NKAIN2: variants seen among roughly 807,000 people sequenced by gnomAD.
NKAIN2 encodes the protein sodium/potassium transporting ATPase interacting 2.
A neutral mutation model predicts 32.6 loss-of-function variants in NKAIN2; 14 were observed. The ratio of observed to expected loss-of-function variants is 0.43; its 90% confidence interval spans 0.28 to 0.67. The LOEUF is 0.67. NKAIN2 is among the 30% of genes least tolerant of loss of function. The probability of loss-of-function intolerance (pLI) is 0.17; values close to 1 mark genes in which losing one functional copy is unlikely to be tolerated. For missense variants in NKAIN2, 198 were observed against 258.3 expected (o/e 0.77, Z 1.60); for synonymous variants, 80 against 87.2 (o/e 0.92, Z 0.46).
intron 1 of NKAIN2, among the ~76,000 whole-genome samples, chr6:124,186,201 A>AAAGAAGGAAGGAAG (rs1562409129): frequency 1.6e-5 from 2 of 122,894 alleles, no homozygotes; most frequent in African/African-American, 9.6e-5. Context: ...AAGGAAGGAA[A>AAAGAAGGAAGGAAG]GAAGGAAAGA....
chr6:124,322,896 T>A (rs1200930343), intron 2 of NKAIN2, among the ~76,000 whole-genome samples: 1 of 152,216 alleles, frequency 6.6e-6, no homozygotes, highest in Admixed American at 6.5e-5. Context: ...CAGCTCTGAA[T>A]GAGAGAGCCA....
chr6:123,929,852 AT>A (rs1186279936), intron 1 of NKAIN2, among the ~76,000 whole-genome samples: 1 of 152,130 alleles, frequency 6.6e-6, no homozygotes, highest in Non-Finnish European at 1.5e-5. Flanking sequence ...AAAATTCGAA[AT>A]CCAAAATGTT....
chr6:124,189,570 C>T (rs143621003), intron 1 of NKAIN2, among the ~76,000 whole-genome samples: 8,249 of 152,088 alleles, frequency 0.054, 718 homozygotes, highest in African/African-American at 0.19. Context: ...TGTGGTGGCA[C>T]GCACCTGTAG....
chr6:124,305,092 T>C (rs1796456640), intron 2 of NKAIN2, among the ~76,000 whole-genome samples: 1 of 152,098 alleles, frequency 6.6e-6, no homozygotes, highest in South Asian at 2.1e-4. Context: ...AAATGGGTAG[T>C]GGTAGCTAGA....
At chr6:123,896,912 G>C (rs1774309187) in intron 1 of NKAIN2, among the ~76,000 whole-genome samples, 1 of 152,082 alleles carries the variant, frequency 6.6e-6, no homozygotes, top group African/African-American at 2.4e-5. Flanking sequence ...CATTTCAACA[G>C]TCTCCAAGTA....
At chr6:124,739,914 A>G (rs1205305091) in intron 4 of NKAIN2, among the ~76,000 whole-genome samples, 1 of 151,872 alleles carries the variant, frequency 6.6e-6, no homozygotes, top group Non-Finnish European at 1.5e-5. Context: ...GTAGAAAGGA[A>G]TGGACTATGC....
intron 1 of NKAIN2, among the ~76,000 whole-genome samples, chr6:123,931,312 C>T (rs1290110710): frequency 6.6e-6 from 1 of 151,964 alleles, no homozygotes; most frequent in Non-Finnish European, 1.5e-5. Flanking sequence ...CTTTTTTTAC[C>T]CTTTCTGACA....
intron 1 of NKAIN2, among the ~76,000 whole-genome samples, chr6:124,101,860 A>G (rs1784906695): frequency 6.6e-6 from 1 of 152,174 alleles, no homozygotes. Flanking sequence ...AGAGGAATGA[A>G]GGAAAATGAT....
At chr6:124,145,224 A>G (rs1787341708) in intron 1 of NKAIN2, among the ~76,000 whole-genome samples, 2 of 152,324 alleles carry the variant, frequency 1.3e-5, no homozygotes, top group South Asian at 2.1e-4. Flanking sequence ...GCAGTTCCTT[A>G]TAAAACTAAA....
At chr6:124,050,248 A>G (rs1782341909) in intron 1 of NKAIN2, among the ~76,000 whole-genome samples, 1 of 152,026 alleles carries the variant, frequency 6.6e-6, no homozygotes, top group Non-Finnish European at 1.5e-5. Context: ...TGAGGCAGTC[A>G]TTATTAGGAT....
At chr6:124,797,977 GTGCCTGCC>G (rs534859260) in intron 5 of NKAIN2, among the ~76,000 whole-genome samples, 7 of 151,848 alleles carry the variant, frequency 4.6e-5, no homozygotes, top group Non-Finnish European at 8.8e-5. Flanking sequence ...GGTATATTAT[GTGCCTGCC>G]TGCCTGCCTG....
chr6:124,528,110 G>A (rs1779387548), intron 3 of NKAIN2, among the ~76,000 whole-genome samples: 1 of 152,156 alleles, frequency 6.6e-6, no homozygotes, highest in Admixed American at 6.5e-5. Flanking sequence ...GATTCACTTG[G>A]AGGCAATAAA....
chr6:124,658,115 C>G (rs1784605075), intron 3 of NKAIN2, 71 bp from the exon 4 acceptor site: 1 of 1,204,314 alleles, frequency 8.3e-7, no homozygotes, highest in Non-Finnish European at 1.2e-6. Flanking sequence ...AAAGTCAAAG[C>G]AAGTCAGTCC....
chr6:124,181,860 G>A (rs1481535030), intron 1 of NKAIN2, among the ~76,000 whole-genome samples: 6 of 152,078 alleles, frequency 3.9e-5, no homozygotes, highest in Non-Finnish European at 8.8e-5. Flanking sequence ...CCACATCTTT[G>A]TGTCTTCTTC....
intron 1 of NKAIN2, among the ~76,000 whole-genome samples, chr6:124,232,887 C>T (rs1792533134): frequency 6.6e-6 from 1 of 152,094 alleles, no homozygotes. Flanking sequence ...TATAAACCCC[C>T]CAACCTTGTA....
Position 124,098,571 on chromosome 6 carries a change from T to A in NKAIN2, c.55-184434T>A, listed in dbSNP as rs1263358690. 2.6e-5 allele frequency among the ~76,000 whole-genome samples: 4 copies of A among 152,138 alleles called. No individual in the cohort carries two copies. The East Asian group carries it at 7.7e-4, about 29-fold the overall frequency. ...CTTTAGTACAGTTAAAAAGGTTTTG[T>A]CAATAGAAAAATGAGTGGGCCGGGC... On this transcript the variant is annotated intron_variant, in intron 1 of 6. Transcript: ENST00000368417.
At chr6:123,975,934 C>A (rs990236803) in intron 1 of NKAIN2, among the ~76,000 whole-genome samples, 5 of 151,888 alleles carry the variant, frequency 3.3e-5, no homozygotes, top group African/African-American at 1.2e-4. Flanking sequence ...GGGAGGGACC[C>A]CGTGGGAGGT....
At chr6:124,567,286 C>A (rs537929592) in intron 3 of NKAIN2, among the ~76,000 whole-genome samples, 2 of 152,194 alleles carry the variant, frequency 1.3e-5, no homozygotes, top group South Asian at 4.1e-4. Flanking sequence ...ATTCTAAATT[C>A]ATGATCACCA....
chr6:124,642,108 C>T (rs1007412044), intron 3 of NKAIN2, among the ~76,000 whole-genome samples: 6 of 152,058 alleles, frequency 3.9e-5, no homozygotes, highest in South Asian at 2.1e-4. Context: ...TATATCTGAT[C>T]GCCCTTCATA....
Sources: gnomAD v4.1 joint callset for allele counts (sites outside exome capture counted in the v4.1 genomes callset) on GRCh38, gnomAD v4.1.1 for gene constraint, MANE v1.5 for transcripts, NCBI Gene and HGNC (gene_info 2026-07-23, HGNC 2026-07-21) for gene names.